The following DNAH9 variants were observed in gnomAD, a reference collection of about 807,000 sequenced individuals.
The protein encoded by DNAH9 is dynein axonemal heavy chain 9.
Under a neutral mutation model 471.6 loss-of-function variants are expected in DNAH9, and 345 were observed. That is an observed-to-expected ratio of 0.73 (90% confidence interval 0.67 to 0.80). The LOEUF (loss-of-function observed/expected upper bound fraction) is 0.80. Among genes scored for constraint, DNAH9 ranks in the 30% least tolerant of loss-of-function variants. The pLI, the probability that DNAH9 is intolerant of heterozygous loss-of-function variation, is 0.00. For synonymous variants in DNAH9, 2,093 were observed against 2,123.6 expected (o/e 0.99, Z 0.40); for missense variants, 5,407 against 5,609.2 (o/e 0.96, Z 1.15).
Position 11,763,533 on chromosome 17 carries a change from A to C in DNAH9, c.7089A>C (p.Ala2363=), listed in dbSNP as rs755728648. 49 of 1,613,942 alleles carry C rather than the reference A, an allele frequency of 3.0e-5. No individual in the cohort carries two copies. Among genetic ancestry groups the C allele is most frequent in the Non-Finnish European group, 4.0e-5 (47 of 1,179,922 alleles). The part of the protein sequence containing the change: ...ECLLTTEDIP[A]DCPKEIYEHY... ...TCCTGACCACGGAGGACATCCCTGCAGACTGCCCTAAGGAAATTTATGAGC... is the reference window on the plus strand; with the variant it reads ...TCCTGACCACGGAGGACATCCCTGCCGACTGCCCTAAGGAAATTTATGAGC... The change falls in exon 36 of 69, where the codon GCA becomes GCC. Residue 2363 remains alanine (A), a synonymous_variant. Coordinates refer to ENST00000262442, the MANE Select transcript of DNAH9 (RefSeq NM_001372.4).
chr17:11,870,934 CTG>C (rs1488005015), intron 51 of DNAH9, among the ~76,000 whole-genome samples: 2 of 152,166 alleles, frequency 1.3e-5, no homozygotes, highest in African/African-American at 4.8e-5. Flanking sequence ...TCTGTCCAGA[CTG>C]TGACGTTCCA....
At chr17:11,793,748 C>G in intron 42 of DNAH9, 84 bp downstream of exon 42, 1 of 1,194,916 alleles carries the variant, frequency 8.4e-7, no homozygotes, top group South Asian at 1.6e-5. Flanking sequence ...TAAAATCTAG[C>G]TGTTTAATGG....
At chr17:11,825,098 C>T (rs376037711) in intron 48 of DNAH9, among the ~76,000 whole-genome samples, 35 of 152,048 alleles carry the variant, frequency 2.3e-4, no homozygotes, top group East Asian at 9.7e-4. Flanking sequence ...TGTATGATGA[C>T]GAAAACCTCT....
chr17:11,933,731 T>C (rs1974596484), intron 64 of DNAH9, 149 bp from the exon 65 acceptor site: 2 of 718,100 alleles, frequency 2.8e-6, no homozygotes, highest in Admixed American at 6.0e-5. Flanking sequence ...TGCTGGGCAC[T>C]GAGGGTATGG....
At chr17:11,838,355 C>T (rs948829927) in intron 49 of DNAH9, among the ~76,000 whole-genome samples, 1 of 152,118 alleles carries the variant, frequency 6.6e-6, no homozygotes, top group Non-Finnish European at 1.5e-5. Flanking sequence ...AGTGGTATTA[C>T]AGCTTGTAAA....
chr17:11,935,495 C>T (rs1465521802), intron 65 of DNAH9, among the ~76,000 whole-genome samples: 2 of 151,896 alleles, frequency 1.3e-5, no homozygotes, highest in African/African-American at 4.8e-5. Flanking sequence ...CCTGCCTCAG[C>T]CTCCTGAGTA....
intron 8 of DNAH9, among the ~76,000 whole-genome samples, chr17:11,635,928 A>C (rs558899415): frequency 1.3e-5 from 2 of 151,738 alleles, no homozygotes; most frequent in Admixed American, 1.3e-4. Context: ...CATCCAGCCA[A>C]CTTAGCTTCT....
Position 11,619,627 on chromosome 17 carries a change from A to C in DNAH9, c.1196A>C (p.Asp399Ala). 6.2e-7 allele frequency: 1 copy of C among 1,614,164 alleles called. No individual in the cohort carries two copies. Among genetic ancestry groups the C allele is most frequent in the Non-Finnish European group, 8.5e-7 (1 of 1,179,974 alleles). The change falls in exon 6 of 69, where the codon GAC becomes GCC. Residue 399 changes from aspartate (D) to alanine (A), a missense_variant. Transcript: ENST00000262442. Reference protein sequence around the residue: ...ESQRKLQVVSDTLSFFKQEFQ... With the variant: ...ESQRKLQVVSATLSFFKQEFQ... ...CAGAGAAAACTGCAAGTGGTCTCAG[A>C]CACTTTGAGCTTCTTCAAGCAAGAG...
At chr17:11,600,112 G>A (rs2072353851) in intron 1 of DNAH9, among the ~76,000 whole-genome samples, 1 of 152,154 alleles carries the variant, frequency 6.6e-6, no homozygotes, top group African/African-American at 2.4e-5. Context: ...CAGGAAGCTA[G>A]ATCTCTTAGA....
chr17:11,679,697 C>A, intron 17 of DNAH9, 60 bp from the exon 18 acceptor site: 1 of 1,211,790 alleles, frequency 8.3e-7, no homozygotes, highest in Non-Finnish European at 1.2e-6. Flanking sequence ...GAAATCAATA[C>A]ATCTGCCTTT....
chr17:11,801,246 C>T (rs530255440), intron 43 of DNAH9, among the ~76,000 whole-genome samples: 83 of 152,300 alleles, frequency 5.4e-4, no homozygotes, highest in African/African-American at 1.9e-3. Context: ...TGCTCTATAC[C>T]ATCATCCTAT....
Position 11,699,789 on chromosome 17 carries a change from A to G in DNAH9, c.4931A>G (p.Asp1644Gly). 6.2e-7 allele frequency: 1 copy of G among 1,614,170 alleles called. No homozygotes were observed. Among genetic ancestry groups the G allele is most frequent in the Non-Finnish European group, 8.5e-7 (1 of 1,180,016 alleles). ...ATGGCCAAGATGCGATTCCAGCTAG[A>G]TGCCAGTGGGGAACCAACCAAGACA... The part of the protein sequence containing the change: ...DNMAKMRFQL[D>G]ASGEPTKTSL... Residue 1644 changes from aspartate (D) to glycine (G), a missense_variant, in exon 23 of 69, where the codon GAT becomes GGT. Coordinates refer to ENST00000262442, the MANE Select transcript of DNAH9 (RefSeq NM_001372.4).
rs150086995 is a variant in DNAH9 at position 11,894,815 on chromosome 17, G to C, written c.11406+319G>C. On this transcript the variant is annotated intron_variant, in intron 59 of 68. Transcript: ENST00000262442. ...AAGGCTGGGACATGGCCTCCTCAGT[G>C]AGTCCCTGGGGTTGATGTGGAGAGG... is the stretch of plus-strand genomic sequence containing the variant. Among the ~76,000 whole-genome samples the C allele has an allele frequency of 4.0e-3, 605 of 152,274 alleles. 5 individuals carry two copies. Among genetic ancestry groups the C allele is most frequent in the African/African-American group, 0.013 (558 of 41,542 alleles).
rs549113899 is a variant in DNAH9 at position 11,934,476 on chromosome 17, T to C, written c.12489+405T>C. On this transcript the variant is annotated intron_variant, in intron 65 of 68. Transcript: ENST00000262442. The stretch of plus-strand genomic sequence containing the variant: ...TTTTTTTTTTTTTGAGATGGAGTCT[T>C]GCTCTGGCGCCCAGGCTGGAGTGCA... 5.7e-4 allele frequency among the ~76,000 whole-genome samples: 78 copies of C among 135,966 alleles called. 1 individual carries two copies. The highest frequency in any genetic ancestry group is 2.0e-3 in the African/African-American group (73 of 37,004). The allele number at this position is 135,966 out of a possible 152,430, so 89.2% of individuals were successfully genotyped here.
chr17:11,744,815 C>T lies in DNAH9; in HGVS notation c.6130C>T (p.Leu2044=). 6.2e-7 allele frequency: 1 copy of T among 1,613,590 alleles called. No individual in the cohort carries two copies. The highest frequency in any genetic ancestry group is 2.2e-5 in the East Asian group (1 of 44,836). The change falls in exon 31 of 69, where the codon CTA becomes TTA. Residue 2044 remains leucine, a synonymous_variant. Transcript: ENST00000262442. Reference sequence around the variant, plus strand: ...CCCACAGGATCACTACGACTGGGGCCTACGGGCCATCAAGTCCGTGCTGGT... The same window carrying T: ...CCCACAGGATCACTACGACTGGGGCTTACGGGCCATCAAGTCCGTGCTGGT... ...LSKQDHYDWG[L]RAIKSVLVVA...
rs550962958 is a variant in DNAH9 at position 11,867,379 on chromosome 17, C to T, written c.9934-1755C>T. On this transcript the variant is annotated intron_variant, in intron 50 of 68. Coordinates refer to ENST00000262442, the MANE Select transcript of DNAH9 (RefSeq NM_001372.4). ...TTACTGTTTGTTTTCTTATGCTTTT[C>T]AGGAAATTTCCTCAAATTCTCCTTT... 2.6e-5 allele frequency among the ~76,000 whole-genome samples: 4 copies of T among 152,236 alleles called. No individual in the cohort carries two copies. The East Asian group carries it at 7.7e-4, about 29-fold the overall frequency.
At chr17:11,745,922 G>A (rs886518121) in intron 31 of DNAH9, among the ~76,000 whole-genome samples, 1 of 152,164 alleles carries the variant, frequency 6.6e-6, no homozygotes, top group South Asian at 2.1e-4. Context: ...CAGAAAGTGC[G>A]AGAGGTGAGA....
chr17:11,830,816 G>A (rs1289960252), intron 48 of DNAH9, among the ~76,000 whole-genome samples: 1 of 152,158 alleles, frequency 6.6e-6, no homozygotes, highest in Non-Finnish European at 1.5e-5. Flanking sequence ...ATGATATTCT[G>A]TACATCTTGG....
rs766473434 is a variant in DNAH9, at chr17:11,738,907, G to C, written c.5842G>C (p.Asp1948His). The change falls in exon 29 of 69, where the codon GAT becomes CAT. Residue 1948 changes from aspartate to histidine, a missense_variant. Asp to His is a moderately conservative substitution (Grantham distance 81, BLOSUM62 -1). This residue lies in a region of DNAH9 where 4,636 missense variants were observed against 4,900.3 expected (regional missense o/e 0.95). Transcript: ENST00000262442. ...QVKSIQDAIR[D>H]KKQWFSFLGE... The stretch of plus-strand genomic sequence containing the variant: ...AAAAAGCATTCAAGATGCGATTAGA[G>C]ATAAGAAGCAGTGGTTCAGCTTCCT... The C allele has an allele frequency of 6.2e-7, 1 of 1,614,152 alleles. No homozygotes were observed. The highest frequency in any genetic ancestry group is 1.1e-5 in the South Asian group (1 of 91,084).
Sources: allele counts gnomAD v4.1 joint callset (sites outside exome capture counted in the v4.1 genomes callset), GRCh38; gene constraint gnomAD v4.1.1; regional missense constraint gnomAD v4.1.1; transcripts MANE v1.5; gene names NCBI Gene and HGNC (gene_info 2026-07-23, HGNC 2026-07-21).